The following NUP155 variants were observed in gnomAD, a reference collection of about 807,000 sequenced individuals.
NUP155 encodes nuclear pore complex protein Nup155.
A neutral mutation model predicts 180.4 loss-of-function variants in NUP155; 71 were observed. The ratio of observed to expected loss-of-function variants is 0.39; its 90% CI spans 0.33 to 0.48. NUP155 has a LOEUF of 0.48. Among genes scored for constraint, NUP155 ranks in the 20% least tolerant of loss-of-function variants. NUP155 has a pLI of 0.91. For missense variants in NUP155, 1,553 were observed against 1,648.9 expected (o/e 0.94, Z 1.01); for synonymous variants, 582 against 559.5 (o/e 1.04, Z -0.57).
chr5:37,324,031 C>A lies in NUP155; in HGVS notation c.2168G>T (p.Arg723Ile). 6.2e-7 allele frequency: 1 copy of A among 1,613,648 alleles called. No homozygotes were observed. The stretch of plus-strand genomic sequence containing the variant: ...TGGTCCTCCTGCAAACTGGGAGTTT[C>A]TGTCTAGAAATTCCTGCAAACCCTT... ...ELKGLQEFLDRNSQFAGGPLG... is the reference protein window; with the variant it reads ...ELKGLQEFLDINSQFAGGPLG... Residue 723 changes from arginine (R) to isoleucine (I), a missense_variant, in exon 20 of 35, where the codon AGA becomes ATA. Arg to Ile is a moderately conservative substitution (Grantham distance 97). Transcript: ENST00000231498.
intron 32 of NUP155, among the ~76,000 whole-genome samples, chr5:37,295,496 G>A (rs1325774886): frequency 1.3e-5 from 2 of 151,820 alleles, no homozygotes; most frequent in Admixed American, 1.3e-4. Context: ...GAGCGTCTCT[G>A]CCTGGCCGCC....
At chr5:37,325,285 T>G (rs922680536) in intron 19 of NUP155, among the ~76,000 whole-genome samples, 1 of 152,192 alleles carries the variant, frequency 6.6e-6, no homozygotes, top group African/African-American at 2.4e-5. Flanking sequence ...TGAGCAATAT[T>G]AAGTTGCTTG....
At chr5:37,295,536 C>A (rs1441690382) in intron 32 of NUP155, among the ~76,000 whole-genome samples, 1 of 150,690 alleles carries the variant, frequency 6.6e-6, no homozygotes, top group Non-Finnish European at 1.5e-5. Context: ...AGCCCCTCTG[C>A]CTGGCTGCCC....
At chr5:37,368,612 G>A (rs1023410476) in intron 1 of NUP155, among the ~76,000 whole-genome samples, 1 of 151,870 alleles carries the variant, frequency 6.6e-6, no homozygotes, top group African/African-American at 2.4e-5. Context: ...ATGAGGTCAG[G>A]AGATCAAGAC....
chr5:37,322,357 A>G (rs1361567690), intron 20 of NUP155, among the ~76,000 whole-genome samples: 1 of 152,120 alleles, frequency 6.6e-6, no homozygotes. Flanking sequence ...GACTCCCCCA[A>G]TGCCATGTGA....
chr5:37,315,708 C>T (rs950953418), intron 21 of NUP155, among the ~76,000 whole-genome samples: 9 of 152,124 alleles, frequency 5.9e-5, no homozygotes, highest in East Asian at 3.8e-4. Context: ...TTTGGGAGGC[C>T]GAAGTGGGTG....
rs201777167 is a variant in NUP155, at chr5:37,323,994, T to C, written c.2205A>G (p.Pro735=). The C allele has an allele frequency of 6.3e-7, 1 of 1,586,028 alleles. No individual in the cohort carries two copies. Among genetic ancestry groups the C allele is most frequent in the African/African-American group, 1.3e-5 (1 of 74,488 alleles). ...TAATAAACCCTATTTATTCTTACTT[T>C]GGATTTCCTAATGGTCCTCCTGCAA... is the stretch of plus-strand genomic sequence containing the variant. ...SQFAGGPLGN[P]NTTAKVQQRL... The change falls in exon 20 of 35, where the codon CCA becomes CCG. Residue 735 remains proline, a splice_region_variant and synonymous_variant. Transcript: ENST00000231498.
At position 37,336,516 on chromosome 5, in the gene NUP155, C is replaced by A. The variant is rs183289342; in HGVS notation, c.1347+1302G>T. 4.9e-3 allele frequency among the ~76,000 whole-genome samples: 738 copies of A among 152,154 alleles called. 13 individuals are homozygous for A. The highest frequency in any genetic ancestry group is 4.9e-3 in the Non-Finnish European group (331 of 68,018). ...CAGGCATTGTTCTGAGTGCTTTACA[C>A]ACATGAGCTCATTTAGTCTCACAAC... On this transcript the variant is annotated intron_variant, in intron 12 of 34. Coordinates refer to ENST00000231498, the MANE Select transcript of NUP155 (RefSeq NM_153485.3).
chr5:37,321,841 T>C (rs1253561972), intron 20 of NUP155, among the ~76,000 whole-genome samples: 1 of 152,190 alleles, frequency 6.6e-6, no homozygotes, highest in Non-Finnish European at 1.5e-5. Context: ...TATTTATGTA[T>C]GCTTTATTAT....
At chr5:37,294,209 A>G in intron 33 of NUP155, 120 bp downstream of exon 33, 2 of 686,640 alleles carry the variant, frequency 2.9e-6, no homozygotes, top group East Asian at 5.7e-5. Context: ...CCAAGACTCA[A>G]CCAAGTGTAA....
intron 29 of NUP155, among the ~76,000 whole-genome samples, chr5:37,301,985 A>G (rs1742887991): frequency 6.6e-6 from 1 of 152,202 alleles, no homozygotes; most frequent in Non-Finnish European, 1.5e-5. Flanking sequence ...GTAGTGCCAG[A>G]AAATAGAACT....
At chr5:37,336,372 T>C (rs1745328182) in intron 12 of NUP155, among the ~76,000 whole-genome samples, 1 of 151,814 alleles carries the variant, frequency 6.6e-6, no homozygotes, top group Admixed American at 6.6e-5. Flanking sequence ...TCCCAGCCAC[T>C]TGGGAGGCTG....
intron 1 of NUP155, among the ~76,000 whole-genome samples, chr5:37,368,246 G>C (rs963835110): frequency 8.3e-6 from 1 of 121,062 alleles, no homozygotes; most frequent in South Asian, 2.7e-4. Flanking sequence ...TTGAGACAGG[G>C]TCTCACTCTG....
intron 1 of NUP155, among the ~76,000 whole-genome samples, chr5:37,366,525 A>C (rs1747594118): frequency 6.6e-6 from 1 of 152,118 alleles, no homozygotes; most frequent in African/African-American, 2.4e-5. Flanking sequence ...TGCAACCTCC[A>C]ATTCCCTGGT....
intron 4 of NUP155, among the ~76,000 whole-genome samples, chr5:37,353,265 C>T (rs551458728): frequency 8.9e-5 from 13 of 146,282 alleles, no homozygotes; most frequent in African/African-American, 2.1e-4. Flanking sequence ...TATATATATA[C>T]ACACACACAC....
At chr5:37,326,104 A>G (rs1744585699) in intron 18 of NUP155, 137 bp from the exon 19 acceptor site, 1 of 674,182 alleles carries the variant, frequency 1.5e-6, no homozygotes, top group East Asian at 2.7e-5. Flanking sequence ...TTACTAAGCT[A>G]TCTAGAAGAG....
intron 18 of NUP155, among the ~76,000 whole-genome samples, chr5:37,326,748 T>C (rs911405700): frequency 6.6e-6 from 1 of 152,226 alleles, no homozygotes; most frequent in Non-Finnish European, 1.5e-5. Context: ...TGATTGCCTA[T>C]TCTTGAGTTA....
Position 37,288,916 on chromosome 5 carries a change from A to G in NUP155, c.*2984T>C, listed in dbSNP as rs1742130536. The G allele has an allele frequency of 6.7e-6, 1 of 150,046 alleles. No individual in the cohort carries two copies. The highest frequency in any genetic ancestry group is 2.5e-5 in the African/African-American group (1 of 40,548). 9.3% of individuals were successfully genotyped at this position (150,046 alleles called of 1,614,324 possible). ...CCATCTCTACTAAAAATACAAAAAAAAAAAATTAGCCAGGCATGGTGGCGC... is the reference window on the plus strand; with the variant it reads ...CCATCTCTACTAAAAATACAAAAAAGAAAAATTAGCCAGGCATGGTGGCGC... On this transcript the variant is annotated 3_prime_UTR_variant, in exon 35 of 35. Transcript: ENST00000231498.
At chr5:37,347,349 T>G (rs1217974682) in intron 9 of NUP155, among the ~76,000 whole-genome samples, 1 of 152,196 alleles carries the variant, frequency 6.6e-6, no homozygotes, top group Non-Finnish European at 1.5e-5. Context: ...CAAGCTGTAC[T>G]TTACGTAGTA....
Sources: gnomAD v4.1 joint callset for allele counts (sites outside exome capture counted in the v4.1 genomes callset) on GRCh38, gnomAD v4.1.1 for gene constraint, MANE v1.5 for transcripts, NCBI Gene and HGNC (gene_info 2026-07-23, HGNC 2026-07-21) for gene names.